The following ROCK2 variants were observed in gnomAD, a reference collection of about 807,000 sequenced individuals.
The protein encoded by ROCK2 is Rho associated coiled-coil containing protein kinase 2.
In ROCK2, 61 loss-of-function variants were observed where a neutral mutation model predicts 195.1. The ratio of observed to expected loss-of-function variants is 0.31; its 90% CI spans 0.25 to 0.39. The LOEUF (loss-of-function observed/expected upper bound fraction) is 0.39. Ranked by LOEUF, ROCK2 falls within the 10% of genes least tolerant of loss-of-function variation. The pLI is 1.00. For synonymous variants in ROCK2, 504 were observed against 545.5 expected (o/e 0.92, Z 1.06); for missense variants, 1,109 against 1,637.4 (o/e 0.68, Z 5.57).
chr2:11,318,490 A>G (rs1668297908), intron 1 of ROCK2, among the ~76,000 whole-genome samples: 1 of 152,050 alleles, frequency 6.6e-6, no homozygotes, highest in Admixed American at 6.5e-5. Flanking sequence ...AGTTCTTTGT[A>G]GATTCTGGAT....
intron 29 of ROCK2, 71 bp from the exon 30 acceptor site, chr2:11,193,928 T>C: frequency 1.2e-6 from 1 of 822,464 alleles, no homozygotes; most frequent in Non-Finnish European, 1.9e-6. Context: ...TATTCTATAC[T>C]TACATCAGAC....
At chr2:11,336,148 T>A (rs1050498336) in intron 1 of ROCK2, among the ~76,000 whole-genome samples, 4 of 152,352 alleles carry the variant, frequency 2.6e-5, no homozygotes, top group African/African-American at 9.6e-5. Context: ...TTTTTATAAT[T>A]TAAAAAATGA....
intron 7 of ROCK2, among the ~76,000 whole-genome samples, chr2:11,222,530 G>A (rs372129575): frequency 2.4e-4 from 36 of 152,088 alleles, no homozygotes; most frequent in African/African-American, 5.1e-4. Flanking sequence ...TCTAACTTTC[G>A]GCAGAGAAGA....
intron 32 of ROCK2, among the ~76,000 whole-genome samples, chr2:11,191,797 A>AAAC (rs1663433776): frequency 6.6e-6 from 1 of 152,222 alleles, no homozygotes; most frequent in Non-Finnish European, 1.5e-5. Context: ...ATTTTGAAGG[A>AAAC]AACAACTTAA....
intron 1 of ROCK2, among the ~76,000 whole-genome samples, chr2:11,293,325 T>C (rs1667418000): frequency 6.6e-6 from 1 of 152,274 alleles, no homozygotes; most frequent in East Asian, 1.9e-4. Flanking sequence ...AAAGATAAAA[T>C]TGTGTGACCC....
chr2:11,209,818 T>G (rs1030333441), intron 18 of ROCK2, among the ~76,000 whole-genome samples: 5 of 152,188 alleles, frequency 3.3e-5, no homozygotes, highest in African/African-American at 1.2e-4. Flanking sequence ...TAGTGTTTAA[T>G]GAATGGTCTT....
intron 1 of ROCK2, among the ~76,000 whole-genome samples, chr2:11,309,298 T>C (rs1667960489): frequency 1.3e-5 from 2 of 152,146 alleles, no homozygotes; most frequent in Admixed American, 6.5e-5. Context: ...CACTACACCA[T>C]TTTATATAAG....
At chr2:11,301,021 T>C (rs1276988116) in intron 1 of ROCK2, among the ~76,000 whole-genome samples, 2 of 152,126 alleles carry the variant, frequency 1.3e-5, no homozygotes, top group Non-Finnish European at 2.9e-5. Context: ...GGTAGCAAAA[T>C]AAACTGAACT....
intron 15 of ROCK2, 95 bp downstream of exon 15, chr2:11,215,226 G>C: frequency 1.4e-6 from 2 of 1,426,744 alleles, no homozygotes; most frequent in Non-Finnish European, 1.9e-6. Context: ...TCTAAAATTA[G>C]AGGTAAAGGC....
At chr2:11,200,166 T>C (rs190518132) in intron 23 of ROCK2, among the ~76,000 whole-genome samples, 19 of 152,332 alleles carry the variant, frequency 1.2e-4, no homozygotes, top group African/African-American at 3.6e-4. Context: ...TCTTACTGAA[T>C]TGCAGACATT....
intron 1 of ROCK2, among the ~76,000 whole-genome samples, chr2:11,317,606 ATATATAT>A (rs1294471324): frequency 5.0e-4 from 8 of 16,148 alleles, no homozygotes; most frequent in Admixed American, 3.1e-3. Context: ...ATATATATAT[ATATATAT>A]TTTTTTTTTT....
intron 1 of ROCK2, among the ~76,000 whole-genome samples, chr2:11,307,272 C>CT (rs1341780536): frequency 2.0e-5 from 3 of 152,178 alleles, no homozygotes; most frequent in Non-Finnish European, 4.4e-5. Flanking sequence ...GCTGACCTTC[C>CT]TTTCTTGCAT....
rs910132327 is a variant in ROCK2, at chr2:11,179,851, A to T, written c.*3586T>A. ...TACATTACTACGAAGATGCAACAAA[A>T]TTTTAAAAAAGAAAAAGGGGTGCAA... On this transcript the variant is annotated 3_prime_UTR_variant, in exon 33 of 33. Transcript: ENST00000315872. 2.0e-5 allele frequency: 3 copies of T among 152,186 alleles called. No homozygotes were observed. The highest frequency in any genetic ancestry group is 4.4e-5 in the Non-Finnish European group (3 of 68,024). 9.4% of individuals were successfully genotyped at this position (152,186 alleles called of 1,614,324 possible).
intron 23 of ROCK2, among the ~76,000 whole-genome samples, chr2:11,200,663 C>T (rs1027597508): frequency 3.3e-5 from 5 of 151,726 alleles, no homozygotes; most frequent in Non-Finnish European, 5.9e-5. Context: ...TCAACCTGCA[C>T]GGAACTGTTT....
At chr2:11,245,902 G>A (rs1325369673) in intron 4 of ROCK2, among the ~76,000 whole-genome samples, 1 of 152,082 alleles carries the variant, frequency 6.6e-6, no homozygotes, top group Non-Finnish European at 1.5e-5. Context: ...TTTGAAAACT[G>A]GTAAATACAA....
intron 1 of ROCK2, among the ~76,000 whole-genome samples, chr2:11,325,785 G>A (rs945709176): frequency 1.3e-5 from 2 of 152,052 alleles, no homozygotes; most frequent in African/African-American, 2.4e-5. Context: ...AAAAGCTGGG[G>A]GAAAGAACAC....
chr2:11,293,881 AG>A (rs1667431861), intron 1 of ROCK2, among the ~76,000 whole-genome samples: 1 of 152,130 alleles, frequency 6.6e-6, no homozygotes, highest in Admixed American at 6.6e-5. Flanking sequence ...CGTACGGGCC[AG>A]GCGCGGTGGC....
At chr2:11,241,022 A>G (rs977112152) in intron 4 of ROCK2, among the ~76,000 whole-genome samples, 5 of 152,198 alleles carry the variant, frequency 3.3e-5, no homozygotes, top group Non-Finnish European at 7.3e-5. Flanking sequence ...ATCCAGAAAT[A>G]ATAATGTAGT....
At chr2:11,296,905 T>C (rs1264728172) in intron 1 of ROCK2, among the ~76,000 whole-genome samples, 1 of 152,180 alleles carries the variant, frequency 6.6e-6, no homozygotes, top group African/African-American at 2.4e-5. Flanking sequence ...ACTTATGTTT[T>C]AATCAATTTT....
Sources: allele counts gnomAD v4.1 joint callset (sites outside exome capture counted in the v4.1 genomes callset), GRCh38; gene constraint gnomAD v4.1.1; transcripts MANE v1.5; gene names NCBI Gene and HGNC (gene_info 2026-07-23, HGNC 2026-07-21).